Variants in HLCS observed in about 807,000 individuals in gnomAD.
The protein encoded by HLCS is holocarboxylase synthetase.
Under a neutral mutation model 75.0 loss-of-function variants are expected in HLCS, and 53 were observed. That is an observed-to-expected ratio of 0.71 (90% confidence interval 0.57 to 0.89). The LOEUF (loss-of-function observed/expected upper bound fraction) is 0.89. Ranked by LOEUF, HLCS falls within the 40% of genes least tolerant of loss-of-function variation. The pLI, the probability that HLCS is intolerant of heterozygous loss-of-function variation, is 0.00. For synonymous variants in HLCS, 431 were observed against 428.6 expected (o/e 1.01, Z -0.07); for missense variants, 966 against 1,074.0 (o/e 0.90, Z 1.41).
chr21:36,968,316 T>C (rs766005508), upstream of HLCS, among the ~76,000 whole-genome samples: 15 of 152,226 alleles, frequency 9.9e-5, no homozygotes, highest in Non-Finnish European at 1.8e-4. Context: ...TTAAAGTACC[T>C]TGGCCATTTG....
intron 10 of HLCS, 62 bp from the exon 11 acceptor site, chr21:36,754,479 G>A (rs1046358881): frequency 8.0e-5 from 123 of 1,528,122 alleles, no homozygotes; most frequent in Middle Eastern, 3.4e-4. Flanking sequence ...AAGACAATGA[G>A]CTGAAGAATA....
intron 2 of HLCS, among the ~76,000 whole-genome samples, chr21:36,942,398 C>CAAAAAAAAAAAAAA (rs55999516): frequency 9.9e-5 from 8 of 80,934 alleles, no homozygotes; most frequent in African/African-American, 4.1e-4. Context: ...GACTCCGTCT[C>CAAAAAAAAAAAAAA]AAAAAAAAAA....
intron 6 of HLCS, among the ~76,000 whole-genome samples, chr21:36,817,876 T>C (rs967994363): frequency 6.6e-6 from 1 of 152,224 alleles, no homozygotes; most frequent in Non-Finnish European, 1.5e-5. Flanking sequence ...GTTTGATGTA[T>C]TCTGCGAGAT....
intron 6 of HLCS, among the ~76,000 whole-genome samples, chr21:36,879,865 G>A (rs1473913630): frequency 6.6e-6 from 1 of 150,510 alleles, no homozygotes; most frequent in African/African-American, 2.5e-5. Flanking sequence ...AGCCGAGATT[G>A]CACCACTACA....
intron 6 of HLCS, among the ~76,000 whole-genome samples, chr21:36,769,025 G>A (rs538262874): frequency 7.4e-4 from 112 of 152,310 alleles, no homozygotes; most frequent in Admixed American, 1.3e-3. Flanking sequence ...AGGATGTTCT[G>A]TAAATAAACA....
intron 5 of HLCS, among the ~76,000 whole-genome samples, chr21:36,913,439 A>C (rs1410192376): frequency 6.6e-6 from 1 of 150,444 alleles, no homozygotes; most frequent in African/African-American, 2.4e-5. Flanking sequence ...GGCAGTGGGC[A>C]GGGGTGGGAG....
chr21:36,755,141 A>AAGTCCC lies in HLCS; in HGVS notation c.2451-725_2451-724insGGGACT, dbSNP rs1465766649. 1.0e-3 allele frequency among the ~76,000 whole-genome samples: 155 copies of AAGTCCC among 152,238 alleles called. 1 individual carries two copies. The highest frequency in any genetic ancestry group is 1.1e-3 in the Non-Finnish European group (72 of 68,022). On this transcript the variant is annotated intron_variant, in intron 10 of 10. Coordinates refer to ENST00000674895, the MANE Select transcript of HLCS (RefSeq NM_001352514.2). ...GCTGGGTGTGGTAGCTCATGTTTGTAACCTTAGCACTTTGGGAGGCCAAGG... is the reference window on the plus strand; with the variant it reads ...GCTGGGTGTGGTAGCTCATGTTTGTAAGTCCCACCTTAGCACTTTGGGAGGCCAAGG...
chr21:36,797,137 G>T (rs1396364387), intron 6 of HLCS, among the ~76,000 whole-genome samples: 1 of 152,084 alleles, frequency 6.6e-6, no homozygotes, highest in Non-Finnish European at 1.5e-5. Flanking sequence ...AAAGTGCTGG[G>T]ATTACAGGGG....
chr21:36,864,386 A>C (rs1207302251), intron 6 of HLCS, among the ~76,000 whole-genome samples: 3 of 151,474 alleles, frequency 2.0e-5, no homozygotes, highest in African/African-American at 7.3e-5. Context: ...GGCAACAAAG[A>C]CTACGTCTCA....
chr21:36,924,107 G>A (rs2066295176), intron 5 of HLCS, among the ~76,000 whole-genome samples: 1 of 152,154 alleles, frequency 6.6e-6, no homozygotes, highest in South Asian at 2.1e-4. Context: ...TTTTTAAGCT[G>A]TATTTTAAAG....
intron 1 of HLCS, among the ~76,000 whole-genome samples, 199 bp downstream of exon 1, chr21:36,966,245 C>T (rs2068569855): frequency 1.3e-5 from 2 of 152,148 alleles, no homozygotes; most frequent in South Asian, 2.1e-4. Flanking sequence ...AAGAGGCGAC[C>T]GGGTCCGTGG....
At chr21:36,890,888 C>T (rs1394588731) in intron 6 of HLCS, among the ~76,000 whole-genome samples, 3 of 152,204 alleles carry the variant, frequency 2.0e-5, no homozygotes, top group Non-Finnish European at 4.4e-5. Flanking sequence ...AGAAGGTATA[C>T]TACTTTCAGG....
At chr21:36,837,343 A>G (rs1309593529) in intron 6 of HLCS, among the ~76,000 whole-genome samples, 1 of 152,202 alleles carries the variant, frequency 6.6e-6, no homozygotes, top group East Asian at 1.9e-4. Context: ...ATAAGTGGGG[A>G]TCCTTTTAAA....
At chr21:36,834,501 T>C (rs1349881191) in intron 6 of HLCS, among the ~76,000 whole-genome samples, 3 of 152,196 alleles carry the variant, frequency 2.0e-5, no homozygotes, top group Non-Finnish European at 4.4e-5. Context: ...CCTGACACTG[T>C]CTGGCTGCTT....
intron 2 of HLCS, among the ~76,000 whole-genome samples, chr21:36,956,249 C>G (rs2067937082): frequency 6.6e-6 from 1 of 151,696 alleles, no homozygotes; most frequent in South Asian, 2.1e-4. Flanking sequence ...TAGATGGACT[C>G]AGGGGGTGGG....
chr21:36,969,972 A>G (rs572046996), upstream of HLCS, among the ~76,000 whole-genome samples: 337 of 152,358 alleles, frequency 2.2e-3, 1 homozygote, highest in Non-Finnish European at 3.3e-3. Flanking sequence ...TCTGAAACCC[A>G]TCAACATGAC....
intron 6 of HLCS, among the ~76,000 whole-genome samples, chr21:36,777,296 T>C (rs1241151293): frequency 6.6e-6 from 1 of 152,372 alleles, no homozygotes; most frequent in East Asian, 1.9e-4. Flanking sequence ...GTATTTTTAC[T>C]CTCTCTATAG....
chr21:36,839,197 A>C (rs1229392383), intron 6 of HLCS, among the ~76,000 whole-genome samples: 1 of 152,222 alleles, frequency 6.6e-6, no homozygotes, highest in East Asian at 1.9e-4. Flanking sequence ...ACGGCTGAAA[A>C]ATACGAGAGG....
chr21:36,843,527 A>G (rs923786383), intron 6 of HLCS, among the ~76,000 whole-genome samples: 3 of 152,010 alleles, frequency 2.0e-5, no homozygotes, highest in Non-Finnish European at 4.4e-5. Flanking sequence ...AAGAAACTAC[A>G]AAAGAATAAT....
Sources: allele counts gnomAD v4.1 joint callset (sites outside exome capture counted in the v4.1 genomes callset), GRCh38; gene constraint gnomAD v4.1.1; transcripts MANE v1.5; gene names NCBI Gene and HGNC (gene_info 2026-07-23, HGNC 2026-07-21).